The following UBE2U variants were observed in gnomAD, a reference collection of about 807,000 sequenced individuals.
UBE2U encodes ubiquitin conjugating enzyme E2 U.
A neutral mutation model predicts 41.2 loss-of-function variants in UBE2U; 39 were observed. That is an observed-to-expected ratio of 0.95 (90% CI 0.73 to 1.24). The LOEUF (loss-of-function observed/expected upper bound fraction) is 1.24, where lower values mean the gene tolerates loss of function less well. Ranked by LOEUF, UBE2U falls within the 50% of genes most tolerant of loss-of-function variation. The pLI is 0.00. For missense variants in UBE2U, 336 were observed against 363.1 expected (o/e 0.93, Z 0.61); for synonymous variants, 107 against 117.8 (o/e 0.91, Z 0.60).
intron 8 of UBE2U, among the ~76,000 whole-genome samples, chr1:64,247,254 C>T (rs1313768237): frequency 1.3e-5 from 2 of 152,038 alleles, no homozygotes; most frequent in African/African-American, 2.4e-5. Flanking sequence ...AAAAAGTTAC[C>T]ATGGATTTCT....
chr1:64,227,373 C>T (rs895026626), intron 6 of UBE2U, among the ~76,000 whole-genome samples: 1 of 151,892 alleles, frequency 6.6e-6, no homozygotes, highest in African/African-American at 2.4e-5. Flanking sequence ...TAGTGAAATC[C>T]AAATGAATAT....
chr1:64,260,466 C>G, intron 8 of UBE2U, 137 bp from the exon 9 acceptor site: 1 of 608,960 alleles, frequency 1.6e-6, no homozygotes, highest in South Asian at 2.3e-5. Context: ...TTAGTCAAGA[C>G]TCAGAATGGT....
rs1374058637 is a variant in UBE2U at position 64,205,705 on chromosome 1, A to T, written c.133A>T (p.Asn45Tyr). 1 of 1,612,964 alleles carries T rather than the reference A, an allele frequency of 6.2e-7. No individual in the cohort carries two copies. The highest frequency in any genetic ancestry group is 1.7e-4 in the Middle Eastern group (1 of 6,054). ...GGAAGTTGAAATTGAAGGTCTACAG[A>T]ATTCAGTTTGGCAGGGTTTGTATTT... Reference protein sequence around the residue: ...EWEVEIEGLQNSVWQGLVFQL... With the variant: ...EWEVEIEGLQYSVWQGLVFQL... Residue 45 changes from asparagine to tyrosine, a missense_variant, in exon 2 of 10, where the codon AAT (asparagine) becomes TAT (tyrosine). By Grantham distance (143) the Asn-to-Tyr change is moderately radical. Coordinates refer to ENST00000371077, the MANE Select transcript of UBE2U (RefSeq NM_001366232.2).
At chr1:64,205,569 AT>A (rs1651241238) in intron 1 of UBE2U, 69 bp from the exon 2 acceptor site, 1 of 1,260,736 alleles carries the variant, frequency 7.9e-7, no homozygotes, top group Non-Finnish European at 1.1e-6. Context: ...GTGACCTGGT[AT>A]ATGATTTTCA....
At chr1:64,239,367 G>T (rs1422180158) in intron 7 of UBE2U, among the ~76,000 whole-genome samples, 1 of 151,666 alleles carries the variant, frequency 6.6e-6, no homozygotes, top group East Asian at 1.9e-4. Context: ...ACATAGTAGG[G>T]TTTTTTTTAA....
rs745557966 is a variant in UBE2U at position 64,205,637 on chromosome 1, AG to A, written c.68del. On this transcript the variant is annotated splice_acceptor_variant, in intron 1 of 9. Transcript: ENST00000371077. LOFTEE classifies it high-confidence loss of function. Reference sequence around the variant, plus strand: ...TGATTTAATTTTGTTTTTAACTTCAAGGGTATCACTGCTAAGCCTGTAAGTG... The same window carrying A: ...TGATTTAATTTTGTTTTTAACTTCAAGGTATCACTGCTAAGCCTGTAAGTG... 3.7e-6 allele frequency: 6 copies of A among 1,606,842 alleles called. No homozygotes were observed. The Admixed American group carries it at 6.8e-5, about 18-fold the overall frequency.
intron 8 of UBE2U, among the ~76,000 whole-genome samples, chr1:64,247,295 C>A (rs528051891): frequency 5.3e-5 from 8 of 152,248 alleles, no homozygotes; most frequent in African/African-American, 1.9e-4. Context: ...TGGAACCACC[C>A]CTACTATAAA....
Position 64,220,844 on chromosome 1 carries a change from A to G in UBE2U, c.458-15A>G. The G allele has an allele frequency of 6.3e-7, 1 of 1,598,934 alleles. No individual in the cohort carries two copies. The highest frequency in any genetic ancestry group is 8.5e-7 in the Non-Finnish European group (1 of 1,171,976). On this transcript the variant is annotated splice_polypyrimidine_tract_variant and intron_variant, in intron 5 of 9. Transcript: ENST00000371077. Reference sequence around the variant, plus strand: ...TCCAAGTAAACCAGAATCCTTTCATATTTTTTCTTTATAGTGAAAGATGAC... The same window carrying G: ...TCCAAGTAAACCAGAATCCTTTCATGTTTTTTCTTTATAGTGAAAGATGAC...
In UBE2U at chr1:64,224,943, A is replaced by G. The variant is rs1482378848; in HGVS notation, c.506+4036A>G. Among the ~76,000 whole-genome samples the G allele has an allele frequency of 2.0e-5, 3 of 151,562 alleles. No individual in the cohort carries two copies. In the East Asian group the frequency reaches 5.8e-4, roughly 29 times the overall value. ...TACTGTATAGGATATTATCACACAC[A>G]CACACACACACACACACACACACAC... On this transcript the variant is annotated intron_variant, in intron 6 of 9. Coordinates refer to ENST00000371077, the MANE Select transcript of UBE2U (RefSeq NM_001366232.2).
chr1:64,245,764 C>G (rs1016086584), intron 8 of UBE2U, among the ~76,000 whole-genome samples: 3 of 152,060 alleles, frequency 2.0e-5, no homozygotes, highest in African/African-American at 7.2e-5. Flanking sequence ...TGTTGACAGC[C>G]CAAGACCTGA....
intron 8 of UBE2U, among the ~76,000 whole-genome samples, chr1:64,251,882 G>C (rs1645016585): frequency 1.3e-5 from 2 of 152,180 alleles, no homozygotes; most frequent in African/African-American, 4.8e-5. Context: ...TGAATCCAGA[G>C]AGCCAAGCAG....
chr1:64,250,091 C>A (rs984808157), intron 8 of UBE2U, among the ~76,000 whole-genome samples: 3 of 152,070 alleles, frequency 2.0e-5, no homozygotes, highest in Non-Finnish European at 2.9e-5. Flanking sequence ...ATGTCAGAAG[C>A]CTTGCAAGTC....
chr1:64,220,710 T>G, intron 5 of UBE2U, 149 bp from the exon 6 acceptor site: 2 of 664,058 alleles, frequency 3.0e-6, no homozygotes, highest in Non-Finnish European at 5.1e-6. Context: ...AAAAATTTTC[T>G]TGTCATCTTT....
chr1:64,255,505 T>C (rs1284018568), intron 8 of UBE2U, among the ~76,000 whole-genome samples: 2 of 152,192 alleles, frequency 1.3e-5, no homozygotes, highest in African/African-American at 4.8e-5. Context: ...CTGATGAACA[T>C]TGATGCAAAA....
At chr1:64,254,511 T>C (rs961033645) in intron 8 of UBE2U, among the ~76,000 whole-genome samples, 1 of 152,096 alleles carries the variant, frequency 6.6e-6, no homozygotes, top group African/African-American at 2.4e-5. Context: ...TAATCAGAAG[T>C]AAAACACTCA....
intron 9 of UBE2U, among the ~76,000 whole-genome samples, chr1:64,265,055 T>G (rs1166643012): frequency 6.6e-6 from 1 of 152,168 alleles, no homozygotes; most frequent in African/African-American, 2.4e-5. Flanking sequence ...TGCCGTCCAC[T>G]CTTAAAAATG....
chr1:64,218,540 T>C (rs1001429788), intron 5 of UBE2U, among the ~76,000 whole-genome samples: 4 of 152,226 alleles, frequency 2.6e-5, no homozygotes, highest in Admixed American at 2.6e-4. Context: ...ACAATAGCTT[T>C]CAACACATTT....
intron 8 of UBE2U, among the ~76,000 whole-genome samples, chr1:64,260,277 A>G (rs1645161291): frequency 6.6e-6 from 1 of 152,186 alleles, no homozygotes. Context: ...GTTTGTGGTC[A>G]TTTGTTAAGG....
intron 7 of UBE2U, among the ~76,000 whole-genome samples, chr1:64,239,972 T>C (rs1644807270): frequency 6.6e-6 from 1 of 152,188 alleles, no homozygotes; most frequent in African/African-American, 2.4e-5. Flanking sequence ...TTGAACTAGT[T>C]TACAGTCCCA....
Sources: gnomAD v4.1 joint callset for allele counts (sites outside exome capture counted in the v4.1 genomes callset) on GRCh38, gnomAD v4.1.1 for gene constraint, MANE v1.5 for transcripts, NCBI Gene and HGNC (gene_info 2026-07-23, HGNC 2026-07-21) for gene names.